PTPN3: variants seen among roughly 807,000 people sequenced by gnomAD.
The protein encoded by PTPN3 is protein tyrosine phosphatase non-receptor type 3, also known as tyrosine-protein phosphatase non-receptor type 3.
PTPN3 carries 96 observed loss-of-function variants against 132.7 expected under a neutral mutation model. The observed-to-expected ratio is 0.72, with a 90% CI of 0.61 to 0.86. PTPN3 has a LOEUF of 0.86. Among genes scored for constraint, PTPN3 ranks in the 40% least tolerant of loss-of-function variants. PTPN3 has a pLI of 0.00. For missense variants in PTPN3, 1,125 were observed against 1,159.6 expected, an observed-to-expected ratio of 0.97 and a Z score of 0.43; for synonymous variants, 398 against 429.0, an observed-to-expected ratio of 0.93 and a Z score of 0.89.
intron 4 of PTPN3, 70 bp downstream of exon 4, chr9:109,457,103 T>C (rs776383134): frequency 6.0e-6 from 9 of 1,501,778 alleles, no homozygotes; most frequent in African/African-American, 1.4e-5. Context: ...GCACTGACGA[T>C]TGGAGGGGAG....
chr9:109,429,348 G>C (rs1325595594), intron 10 of PTPN3, among the ~76,000 whole-genome samples: 1 of 152,134 alleles, frequency 6.6e-6, no homozygotes, highest in Non-Finnish European at 1.5e-5. Context: ...AGCTGACTCT[G>C]AAGCCTGTGC....
At chr9:109,534,196 G>T in the PTPN3 span, 1 of 1,121,358 alleles carries the variant, frequency 8.9e-7, no homozygotes, top group Non-Finnish European at 1.3e-6. Context: ...GGCAGGTGCT[G>T]CTGATGTGAA....
intron 7 of PTPN3, 150 bp downstream of exon 7, chr9:109,445,090 T>A (rs1363254886): frequency 7.0e-6 from 5 of 718,182 alleles, no homozygotes; most frequent in African/African-American, 1.8e-5. Context: ...CCAGTCTGAG[T>A]AGAAACACAT....
At chr9:109,413,804 C>T (rs571560526) in intron 14 of PTPN3, among the ~76,000 whole-genome samples, 1 of 152,204 alleles carries the variant, frequency 6.6e-6, no homozygotes, top group South Asian at 2.1e-4. Flanking sequence ...AAGTATTCAC[C>T]CTCCAGAAAA....
intron 1 of PTPN3, among the ~76,000 whole-genome samples, chr9:109,469,573 C>G (rs906775849): frequency 2.6e-5 from 4 of 152,144 alleles, no homozygotes; most frequent in Non-Finnish European, 5.9e-5. Context: ...GAGCCAAGAT[C>G]GCGCCATTGC....
the PTPN3 span, among the ~76,000 whole-genome samples, chr9:109,509,332 A>C: frequency 6.6e-6 from 1 of 152,202 alleles, no homozygotes; most frequent in East Asian, 1.9e-4. Flanking sequence ...CTCACACTGT[A>C]GGGTAAATGC....
chr9:109,382,999 C>T (rs1280166164), intron 23 of PTPN3, among the ~76,000 whole-genome samples: 1 of 152,180 alleles, frequency 6.6e-6, no homozygotes, highest in Non-Finnish European at 1.5e-5. Flanking sequence ...CACCGTTCTA[C>T]TTTCTGTCTC....
chr9:109,462,832 CG>C (rs1489001677), intron 2 of PTPN3, among the ~76,000 whole-genome samples: 1 of 151,944 alleles, frequency 6.6e-6, no homozygotes, highest in Non-Finnish European at 1.5e-5. Flanking sequence ...GTGCCAGGCA[CG>C]GGGGAAACAA....
intron 14 of PTPN3, among the ~76,000 whole-genome samples, chr9:109,419,129 C>T (rs894518985): frequency 1.3e-5 from 2 of 152,236 alleles, no homozygotes; most frequent in Non-Finnish European, 2.9e-5. Context: ...AGATAGCAAT[C>T]ATTTAGCAAA....
At chr9:109,445,146 G>A in intron 7 of PTPN3, 94 bp downstream of exon 7, 1 of 1,300,244 alleles carries the variant, frequency 7.7e-7, no homozygotes, top group Non-Finnish European at 1.1e-6. Context: ...TCCTGGGGAA[G>A]AGGGACTTGG....
the PTPN3 span, chr9:109,533,888 T>TA: frequency 1.3e-6 from 1 of 760,626 alleles, no homozygotes; most frequent in Non-Finnish European, 2.4e-6. Flanking sequence ...ACGACGTGGA[T>TA]AGCATCTATA....
chr9:109,410,964 T>A (rs1343496080), intron 14 of PTPN3, among the ~76,000 whole-genome samples: 4 of 152,230 alleles, frequency 2.6e-5, no homozygotes, highest in African/African-American at 9.6e-5. Flanking sequence ...TCTTGTTACA[T>A]TTTCCTCTAT....
chr9:109,505,906 T>C, the PTPN3 span, among the ~76,000 whole-genome samples: 1 of 152,020 alleles, frequency 6.6e-6, no homozygotes, highest in East Asian at 1.9e-4. Flanking sequence ...CCTGCCGCTA[T>C]GCCCGGCTAA....
intron 10 of PTPN3, among the ~76,000 whole-genome samples, chr9:109,430,240 A>G (rs1421110882): frequency 6.6e-6 from 1 of 151,854 alleles, no homozygotes; most frequent in Non-Finnish European, 1.5e-5. Context: ...TGTTCTGCAG[A>G]ACGAGTCAGG....
At chr9:109,438,405 T>C (rs567470367) in intron 7 of PTPN3, among the ~76,000 whole-genome samples, 171 bp from the exon 8 acceptor site, 6 of 152,342 alleles carry the variant, frequency 3.9e-5, no homozygotes, top group East Asian at 1.9e-4. Context: ...TCCACACTTA[T>C]CTGAGCCTTC....
At position 109,428,670 on chromosome 9, in the gene PTPN3, T is replaced by C; in HGVS notation, c.779A>G (p.Lys260Arg). ...GAACTTTTTCCTTTTGAAAGAAATT[T>C]TGAGAATGTTCACCCTTCAAAAAAT... ...TSFYPWVNIL[K>R]ISFKRKKFFI... The change falls in exon 11 of 26, where the codon AAA (lysine) becomes AGA (arginine). Residue 260 changes from lysine to arginine, a missense_variant. Physicochemically the swap from Lys to Arg is conservative, Grantham distance 26. Coordinates refer to ENST00000374541, the MANE Select transcript of PTPN3 (RefSeq NM_002829.4). 1 of 1,613,576 alleles carries C rather than the reference T, an allele frequency of 6.2e-7. No homozygotes were observed. The highest frequency in any genetic ancestry group is 8.5e-7 in the Non-Finnish European group (1 of 1,179,854).
the PTPN3 span, among the ~76,000 whole-genome samples, chr9:109,503,407 G>A: frequency 1.3e-5 from 2 of 152,048 alleles, no homozygotes; most frequent in Non-Finnish European, 2.9e-5. Flanking sequence ...TTTATCCATT[G>A]AAAAATGTCT....
rs567495741 is a variant in PTPN3, at chr9:109,445,115, A to G, written c.466+125T>C. 7 of 906,784 alleles carry G rather than the reference A, an allele frequency of 7.7e-6. No individual in the cohort carries two copies. The Admixed American group carries it at 9.9e-5, about 13-fold the overall frequency. 56.2% of individuals were successfully genotyped at this position (906,784 alleles called of 1,614,324 possible). A position where few individuals can be genotyped will look rare whatever the true frequency, so the allele number is the denominator to read the frequency against. The stretch of plus-strand genomic sequence containing the variant: ...TAGAAACACATATCTGGACAGCCAG[A>G]GATATGCTGCCCAGCAGGATTCCTG... On this transcript the variant is annotated intron_variant, in intron 7 of 25. Transcript: ENST00000374541.
chr9:109,488,510 T>A (rs1269306628), intron 1 of PTPN3, among the ~76,000 whole-genome samples: 1 of 152,222 alleles, frequency 6.6e-6, no homozygotes, highest in African/African-American at 2.4e-5. Flanking sequence ...ATTCCTTTAC[T>A]AACTGGCTTT....
Sources: gnomAD v4.1 joint callset for allele counts (sites outside exome capture counted in the v4.1 genomes callset) on GRCh38, gnomAD v4.1.1 for gene constraint, MANE v1.5 for transcripts, NCBI Gene and HGNC (gene_info 2026-07-23, HGNC 2026-07-21) for gene names.